Variants in NDUFAF3 observed in about 807,000 individuals in gnomAD.
NDUFAF3 encodes NADH dehydrogenase [ubiquinone] 1 alpha subcomplex assembly factor 3.
In NDUFAF3, 21 loss-of-function variants were observed where a neutral mutation model predicts 22.6. The ratio of observed to expected loss-of-function variants is 0.93; its 90% confidence interval spans 0.66 to 1.34. NDUFAF3 has a LOEUF of 1.34. Among genes scored for constraint, NDUFAF3 ranks in the 40% most tolerant of loss-of-function variants. The pLI, the probability that NDUFAF3 is intolerant of heterozygous loss-of-function variation, is 0.00. For missense variants in NDUFAF3, 251 were observed against 248.4 expected (o/e 1.01, Z -0.07); for synonymous variants, 113 against 104.9 (o/e 1.08, Z -0.47).
chr3:49,021,881 C>T, upstream of NDUFAF3: 2 of 546,572 alleles, frequency 3.7e-6, no homozygotes, highest in Non-Finnish European at 6.5e-6. The surrounding 1 kb of genome is among the most constrained non-coding windows in gnomAD (Gnocchi z 4.1). Flanking sequence ...AGGGTGGCCA[C>T]GCTGCCAGGT....
chr3:49,023,091 T>C lies in NDUFAF3; in HGVS notation c.474T>C (p.His158=). 2 of 1,614,172 alleles carry C rather than the reference T, an allele frequency of 1.2e-6. No homozygotes were observed. The highest frequency in any genetic ancestry group is 1.7e-6 in the Non-Finnish European group (2 of 1,180,034). ...NACATFNFLC[H]EGRVTGAALI... ...GTGCCACCTTCAACTTCCTGTGTCATGAAGGCCGAGTAACTGGAGCTGCTC... is the reference window on the plus strand; with the variant it reads ...GTGCCACCTTCAACTTCCTGTGTCACGAAGGCCGAGTAACTGGAGCTGCTC... The change falls in exon 5 of 5, where the codon CAT becomes CAC. Residue 158 remains histidine (H), a synonymous_variant. Coordinates refer to ENST00000326925, the MANE Select transcript of NDUFAF3 (RefSeq NM_199069.2).
At position 49,022,530 on chromosome 3, in the gene NDUFAF3, C is replaced by CAGT; in HGVS notation, c.263_265dup (p.Gln88_Trp89insTer). 1 of 1,613,294 alleles carries CAGT rather than the reference C, an allele frequency of 6.2e-7. No homozygotes were observed. The highest frequency in any genetic ancestry group is 8.5e-7 in the Non-Finnish European group (1 of 1,179,934). ...CGCTCTGCTCCCGCACTCGGTGGTG[C>CAGT]AGTGGAACGTGAGTCCTGGCCCGCA... On this transcript the variant is annotated stop_gained and inframe_insertion, in exon 2 of 5. Coordinates refer to ENST00000326925, the MANE Select transcript of NDUFAF3 (RefSeq NM_199069.2). LOFTEE classifies it high-confidence loss of function. This position sits in a 1 kb window ranked among gnomAD's most constrained non-coding sequence, Gnocchi z 6.6.
chr3:49,023,003 C>CG, intron 4 of NDUFAF3, 27 bp downstream of exon 4: 1 of 1,613,772 alleles, frequency 6.2e-7, no homozygotes, highest in Non-Finnish European at 8.5e-7. Context: ...GGGCATGCTG[C>CG]GGGGAGCACA....
In NDUFAF3 at chr3:49,022,554, C is replaced by A; in HGVS notation, c.270+16C>A. 1 of 1,613,422 alleles carries A rather than the reference C, an allele frequency of 6.2e-7. No homozygotes were observed. Among genetic ancestry groups the A allele is most frequent in the Non-Finnish European group, 8.5e-7 (1 of 1,179,950 alleles). ...GCAGTGGAACGTGAGTCCTGGCCCG[C>A]AGTGTGGAAACTGAGGCCCAGAGTC... On this transcript the variant is annotated intron_variant, in intron 2 of 4. Coordinates refer to ENST00000326925, the MANE Select transcript of NDUFAF3 (RefSeq NM_199069.2). This position sits in a 1 kb window ranked among gnomAD's most constrained non-coding sequence, Gnocchi z 6.6.
upstream of NDUFAF3, chr3:49,020,789 G>C (rs368020721): frequency 7.4e-6 from 3 of 406,488 alleles, no homozygotes; most frequent in East Asian, 2.2e-4. Flanking sequence ...CCCAGTCCCA[G>C]GAGGAAGACC....
In NDUFAF3 at chr3:49,023,237, C is replaced by T; in HGVS notation, c.*65C>T. The T allele has an allele frequency of 8.6e-7, 1 of 1,162,494 alleles. No individual in the cohort carries two copies. Among genetic ancestry groups the T allele is most frequent in the Non-Finnish European group, 1.3e-6 (1 of 769,436 alleles). The allele number at this position is 1,162,494 out of a possible 1,614,324, so 72.0% of individuals were successfully genotyped here. A position where few individuals can be genotyped will look rare whatever the true frequency, so the allele number is the denominator to read the frequency against. ...TTCCCAATGCTTTCACTCTTATCTA[C>T]CCTTTGGCACTTATCTTGCTTATCA... On this transcript the variant is annotated 3_prime_UTR_variant, in exon 5 of 5. Coordinates refer to ENST00000326925, the MANE Select transcript of NDUFAF3 (RefSeq NM_199069.2).
At position 49,023,200 on chromosome 3, in the gene NDUFAF3, A is replaced by G; in HGVS notation, c.*28A>G. ...CGCCAGGAACTGACCTGCTGACTGC[A>G]CTCTGCCAGGCTTCCCAATGCTTTC... On this transcript the variant is annotated 3_prime_UTR_variant, in exon 5 of 5. Transcript: ENST00000326925. The G allele has an allele frequency of 6.5e-7, 1 of 1,537,882 alleles. No individual in the cohort carries two copies. Among genetic ancestry groups the G allele is most frequent in the South Asian group, 1.1e-5 (1 of 89,554 alleles).
Position 49,022,803 on chromosome 3 carries a change from T to A in NDUFAF3, c.337+35T>A. 2 of 1,613,676 alleles carry A rather than the reference T, an allele frequency of 1.2e-6. No individual in the cohort carries two copies. The highest frequency in any genetic ancestry group is 8.5e-7 in the Non-Finnish European group (1 of 1,179,934). The stretch of plus-strand genomic sequence containing the variant: ...AAGGGGAGGGAGAACAGAGGTGTTC[T>A]GGGCCCCAGAAGGCGACCCCCACTG... On this transcript the variant is annotated intron_variant, in intron 3 of 4. Coordinates refer to ENST00000326925, the MANE Select transcript of NDUFAF3 (RefSeq NM_199069.2). This position sits in a 1 kb window ranked among gnomAD's most constrained non-coding sequence, Gnocchi z 6.6.
At chr3:49,020,471 C>A, upstream of NDUFAF3, 1 of 385,388 alleles carries the variant, frequency 2.6e-6, no homozygotes. Flanking sequence ...CCCCAGGGTT[C>A]CAGAGATGGC....
In NDUFAF3 at chr3:49,022,851, AC is replaced by A; in HGVS notation, c.338-24del. 6.2e-7 allele frequency: 1 copy of A among 1,613,482 alleles called. No homozygotes were observed. Among genetic ancestry groups the A allele is most frequent in the Non-Finnish European group, 8.5e-7 (1 of 1,179,834 alleles). ...CTGCAGCCTCTCAACAGAACTGTAG[AC>A]TAGCCACACCCACCCTTCCCTAGAG... On this transcript the variant is annotated intron_variant, in intron 3 of 4. Coordinates refer to ENST00000326925, the MANE Select transcript of NDUFAF3 (RefSeq NM_199069.2). This position sits in a 1 kb window ranked among gnomAD's most constrained non-coding sequence, Gnocchi z 6.6.
Position 49,022,211 on chromosome 3 carries a change from G to C in NDUFAF3, c.67G>C (p.Glu23Gln). The C allele has an allele frequency of 6.2e-7, 1 of 1,610,942 alleles. No homozygotes were observed. The highest frequency in any genetic ancestry group is 8.5e-7 in the Non-Finnish European group (1 of 1,179,656). The change falls in exon 1 of 5, where the codon GAG (glutamate) becomes CAG (glutamine). Residue 23 changes from glutamate to glutamine, a missense_variant. Physicochemically the swap from Glu to Gln is conservative, Grantham distance 29. Coordinates refer to ENST00000326925, the MANE Select transcript of NDUFAF3 (RefSeq NM_199069.2). The surrounding 1 kb of genome is among the most constrained non-coding windows in gnomAD (Gnocchi z 6.6). ...ARPSLRCPPV[E>Q]LPWAPRRGHR... ...ACCCTCGCTGCGCTGTCCGCCCGTT[G>C]AGCTTCCCTGGTGAGCTTGGACCCC... is the stretch of plus-strand genomic sequence containing the variant.
chr3:49,023,293 G>C lies in NDUFAF3; in HGVS notation c.*121G>C. ...ATAATTTATACACTTCTCCCATTTT[G>C]TATCAGGTGTGTTGCTGGCCAGGAG... On this transcript the variant is annotated 3_prime_UTR_variant, in exon 5 of 5. Transcript: ENST00000326925. The C allele has an allele frequency of 1.2e-6, 1 of 867,062 alleles. No homozygotes were observed. Among genetic ancestry groups the C allele is most frequent in the Non-Finnish European group, 2.0e-6 (1 of 508,106 alleles). 53.7% of individuals were successfully genotyped at this position (867,062 alleles called of 1,614,324 possible).
In NDUFAF3 at chr3:49,023,196, C is replaced by T; in HGVS notation, c.*24C>T. On this transcript the variant is annotated 3_prime_UTR_variant, in exon 5 of 5. Coordinates refer to ENST00000326925, the MANE Select transcript of NDUFAF3 (RefSeq NM_199069.2). ...GAACCGCCAGGAACTGACCTGCTGACTGCACTCTGCCAGGCTTCCCAATGC... is the reference window on the plus strand; with the variant it reads ...GAACCGCCAGGAACTGACCTGCTGATTGCACTCTGCCAGGCTTCCCAATGC... 2 of 1,551,864 alleles carry T rather than the reference C, an allele frequency of 1.3e-6. No individual in the cohort carries two copies. The highest frequency in any genetic ancestry group is 1.8e-6 in the Non-Finnish European group (2 of 1,123,912).
Position 49,023,129 on chromosome 3 carries a change from C to G in NDUFAF3, c.512C>G (p.Pro171Arg), listed in dbSNP as rs750629876. The G allele has an allele frequency of 1.2e-6, 2 of 1,614,080 alleles. No homozygotes were observed. The highest frequency in any genetic ancestry group is 1.7e-6 in the Non-Finnish European group (2 of 1,179,942). ...RVTGAALIPP[P>R]GGTSLTSLGQ... Reference sequence around the variant, plus strand: ...ACTGGAGCTGCTCTCATCCCTCCACCAGGAGGGACTTCACTTACATCTTTG... The same window carrying G: ...ACTGGAGCTGCTCTCATCCCTCCACGAGGAGGGACTTCACTTACATCTTTG... The change falls in exon 5 of 5, where the codon CCA becomes CGA. Residue 171 changes from proline (P) to arginine (R), a missense_variant. Pro to Arg is a moderately radical substitution (Grantham distance 103). Coordinates refer to ENST00000326925, the MANE Select transcript of NDUFAF3 (RefSeq NM_199069.2).
chr3:49,023,274 T>G lies in NDUFAF3; in HGVS notation c.*102T>G. The G allele has an allele frequency of 2.1e-6, 2 of 936,076 alleles. No homozygotes were observed. Among genetic ancestry groups the G allele is most frequent in the Non-Finnish European group, 3.5e-6 (2 of 564,816 alleles). The allele number at this position is 936,076 out of a possible 1,614,324, so 58.0% of individuals were successfully genotyped here. A position where few individuals can be genotyped will look rare whatever the true frequency, so the allele number is the denominator to read the frequency against. On this transcript the variant is annotated 3_prime_UTR_variant, in exon 5 of 5. Transcript: ENST00000326925. ...TATCTTGCTTATCAACATAATAATT[T>G]ATACACTTCTCCCATTTTGTATCAG...
rs147943368 is a variant in NDUFAF3 at position 49,022,645 on chromosome 3, G to C, written c.271-57G>C. 1,214 of 1,613,466 alleles carry C rather than the reference G, an allele frequency of 7.5e-4. 10 individuals are homozygous for C. In the African/African-American group the frequency reaches 0.014, roughly 19 times the overall value. On this transcript the variant is annotated intron_variant, in intron 2 of 4. Transcript: ENST00000326925. This position sits in a 1 kb window ranked among gnomAD's most constrained non-coding sequence, Gnocchi z 6.6. The stretch of plus-strand genomic sequence containing the variant: ...CCTCTGTCTCCTCCTGCAGTGGATG[G>C]AGATGGGGAGAGGCTGCGTGGATTT...
rs2093166879 is a variant in NDUFAF3, at chr3:49,022,290, C to T, written c.78-56C>T. On this transcript the variant is annotated intron_variant, in intron 1 of 4. Coordinates refer to ENST00000326925, the MANE Select transcript of NDUFAF3 (RefSeq NM_199069.2). This position sits in a 1 kb window ranked among gnomAD's most constrained non-coding sequence, Gnocchi z 6.6. ...CCGGCGACTGCCAGCCCAGCACCTT[C>T]CGGCCTCTCGGGCTGCCCGGCCCGG... The T allele has an allele frequency of 1.2e-6, 2 of 1,607,180 alleles. No homozygotes were observed. Among genetic ancestry groups the T allele is most frequent in the Non-Finnish European group, 1.7e-6 (2 of 1,178,278 alleles).
Position 49,022,568 on chromosome 3 carries a change from A to AG in NDUFAF3, c.270+32dup. Reference sequence around the variant, plus strand: ...GTCCTGGCCCGCAGTGTGGAAACTGAGGCCCAGAGTCACAGGCCCTCACCC... The same window carrying AG: ...GTCCTGGCCCGCAGTGTGGAAACTGAGGGCCCAGAGTCACAGGCCCTCACCC... On this transcript the variant is annotated intron_variant, in intron 2 of 4. Coordinates refer to ENST00000326925, the MANE Select transcript of NDUFAF3 (RefSeq NM_199069.2). This position sits in a 1 kb window ranked among gnomAD's most constrained non-coding sequence, Gnocchi z 6.6. 1 of 1,613,360 alleles carries AG rather than the reference A, an allele frequency of 6.2e-7. No individual in the cohort carries two copies. The highest frequency in any genetic ancestry group is 8.5e-7 in the Non-Finnish European group (1 of 1,179,880).
Position 49,023,055 on chromosome 3 carries a change from G to A in NDUFAF3, c.439-1G>A. ...GGCTGATGCTGGCCTTTTCTTTGCA[G>A]CCCAATGCCTGTGCCACCTTCAACT... On this transcript the variant is annotated splice_acceptor_variant, in intron 4 of 4. Transcript: ENST00000326925. LOFTEE classifies it high-confidence loss of function. 1.2e-6 allele frequency: 2 copies of A among 1,614,156 alleles called. No individual in the cohort carries two copies. Among genetic ancestry groups the A allele is most frequent in the East Asian group, 2.2e-5 (1 of 44,884 alleles).
Sources: gnomAD v4.1 joint callset for allele counts on GRCh38, gnomAD v4.1.1 for gene constraint, Gnocchi (gnomAD v3.1) non-coding constraint, MANE v1.5 for transcripts, NCBI Gene and HGNC (gene_info 2026-07-23, HGNC 2026-07-21) for gene names.